Variants in MYB observed in about 807,000 individuals in gnomAD.
MYB encodes MYB proto-oncogene, transcription factor.
A neutral mutation model predicts 92.9 loss-of-function variants in MYB; 28 were observed. The observed-to-expected ratio is 0.30, with a 90% CI of 0.22 to 0.41. The LOEUF (loss-of-function observed/expected upper bound fraction) is 0.41, where lower values mean the gene tolerates loss of function less well. Among genes scored for constraint, MYB ranks in the 10% least tolerant of loss-of-function variants. The pLI is 1.00. For missense variants in MYB, 679 were observed against 929.3 expected, an observed-to-expected ratio of 0.73 and a Z score of 3.50; for synonymous variants, 295 against 329.1, an observed-to-expected ratio of 0.90 and a Z score of 1.12.
intron 8 of MYB, chr6:135,195,357 C>CGTATCATTAAAAAA: frequency 9.6e-5 from 17 of 177,520 alleles, no homozygotes; most frequent in South Asian, 3.2e-4. Context: ...CCTGAGTCCT[C>CGTATCATTAAAAAA]TAGCTTTTTT....
chr6:135,193,581 A>G (rs943209384), intron 6 of MYB, among the ~76,000 whole-genome samples: 1 of 152,096 alleles, frequency 6.6e-6, no homozygotes, highest in African/African-American at 2.4e-5. Context: ...TTTTTCTCTA[A>G]TTAAGGAACA....
rs1778145677 is a variant in MYB at position 135,201,872 on chromosome 6, G to A, written c.2061+123G>A. 4 of 440,964 alleles carry A rather than the reference G, an allele frequency of 9.1e-6. No individual in the cohort carries two copies. The South Asian group carries it at 3.5e-4, about 38-fold the overall frequency. The allele number at this position is 440,964 out of a possible 1,614,324, so 27.3% of individuals were successfully genotyped here. A position where few individuals can be genotyped will look rare whatever the true frequency, so the allele number is the denominator to read the frequency against. On this transcript the variant is annotated intron_variant, in intron 14 of 15. Transcript: ENST00000341911. ...TCTTTAACACATCTTATTTCTAAAT[G>A]TTCTCCTGCACATGATTTTTAAAAA...
At chr6:135,191,539 G>A (rs1177353818) in intron 5 of MYB, among the ~76,000 whole-genome samples, 1 of 152,150 alleles carries the variant, frequency 6.6e-6, no homozygotes, top group Non-Finnish European at 1.5e-5. Flanking sequence ...CATATGGCCT[G>A]AGAGGATACA....
chr6:135,181,499 C>A lies in MYB; in HGVS notation c.-15C>A. The A allele has an allele frequency of 1.8e-6, 2 of 1,132,284 alleles. No individual in the cohort carries two copies. Among genetic ancestry groups the A allele is most frequent in the South Asian group, 4.3e-5 (1 of 23,332 alleles). 70.1% of individuals were successfully genotyped at this position (1,132,284 alleles called of 1,614,324 possible). A position where few individuals can be genotyped will look rare whatever the true frequency, so the allele number is the denominator to read the frequency against. On this transcript the variant is annotated 5_prime_UTR_variant, in exon 1 of 16. Coordinates refer to ENST00000341911, the MANE Select transcript of MYB (RefSeq NM_001130173.2). The surrounding 1 kb of genome is among the most constrained non-coding windows in gnomAD (Gnocchi z 5.3). The stretch of plus-strand genomic sequence containing the variant: ...GTCCCCGCGGCTCTCGGCGGAGCCC[C>A]GCGCCCGCCGCGCCATGGCCCGAAG...
At chr6:135,191,018 C>G (rs1562369278) in intron 5 of MYB, among the ~76,000 whole-genome samples, 1 of 152,182 alleles carries the variant, frequency 6.6e-6, no homozygotes. Context: ...AGGCTGGTAT[C>G]AAACTCCTGG....
Position 135,203,975 on chromosome 6 carries a change from G to T in MYB, c.2169+651G>T, listed in dbSNP as rs1476165527. The T allele has an allele frequency of 5.0e-6, 5 of 1,004,648 alleles. No individual in the cohort carries two copies. In the East Asian group the frequency reaches 3.9e-4, roughly 77 times the overall value. The allele number at this position is 1,004,648 out of a possible 1,614,324, so 62.2% of individuals were successfully genotyped here. ...AAATGTAAATAAGAATGCAAATTTT[G>T]CTTCCCTAAATTATTTAAAGCAGTT... On this transcript the variant is annotated intron_variant, in intron 15 of 15. Transcript: ENST00000341911.
At chr6:135,202,185 C>A (rs1192254826) in intron 14 of MYB, among the ~76,000 whole-genome samples, 7 of 152,010 alleles carry the variant, frequency 4.6e-5, no homozygotes, top group African/African-American at 1.4e-4. Context: ...TGGGTTACTA[C>A]CACCATTTTT....
chr6:135,181,452 C>A lies in MYB; in HGVS notation c.-62C>A. ...AGGGACGCAGGCAGGCGGCGGGCAGCGGGAGGCGGCAGCCCGGTGCGGTCC... is the reference window on the plus strand; with the variant it reads ...AGGGACGCAGGCAGGCGGCGGGCAGAGGGAGGCGGCAGCCCGGTGCGGTCC... On this transcript the variant is annotated 5_prime_UTR_variant, in exon 1 of 16. Coordinates refer to ENST00000341911, the MANE Select transcript of MYB (RefSeq NM_001130173.2). This position sits in a 1 kb window ranked among gnomAD's most constrained non-coding sequence, Gnocchi z 5.3. The A allele has an allele frequency of 9.2e-7, 1 of 1,087,794 alleles. No individual in the cohort carries two copies. The highest frequency in any genetic ancestry group is 1.1e-6 in the Non-Finnish European group (1 of 889,490). 67.4% of individuals were successfully genotyped at this position (1,087,794 alleles called of 1,614,324 possible). A position where few individuals can be genotyped will look rare whatever the true frequency, so the allele number is the denominator to read the frequency against.
chr6:135,199,455 T>C lies in MYB; in HGVS notation c.1709+405T>C, dbSNP rs898421720. 73 of 459,504 alleles carry C rather than the reference T, an allele frequency of 1.6e-4. 1 individual carries two copies. Among genetic ancestry groups the C allele is most frequent in the South Asian group, 1.5e-3 (38 of 25,794 alleles). The allele number at this position is 459,504 out of a possible 1,614,324, so 28.5% of individuals were successfully genotyped here. On this transcript the variant is annotated intron_variant, in intron 11 of 15. Coordinates refer to ENST00000341911, the MANE Select transcript of MYB (RefSeq NM_001130173.2). ...TAGTTTGTATTTTTATTTAATTTTA[T>C]TTGTTTATTATTTATTTATTTTTAG...
In MYB at chr6:135,195,836, C is replaced by T. The variant is rs267600823; in HGVS notation, c.1037C>T (p.Ser346Phe). The T allele has an allele frequency of 6.2e-6, 10 of 1,614,058 alleles. No homozygotes were observed. ...TRPHGDSAPV[S>F]CLGEHHSTPS... ...CCTCATGGAGACAGTGCACCTGTTT[C>T]CTGTTTGGGAGAACACCACTCCACT... is the stretch of plus-strand genomic sequence containing the variant. Residue 346 changes from serine to phenylalanine, a missense_variant, in exon 9 of 16, where the codon TCC becomes TTC. Around this residue, in one of 8 missense-constraint regions of MYB, gnomAD observed 56 missense variants for 55.8 expected, o/e 1.00. Transcript: ENST00000341911.
intron 15 of MYB, among the ~76,000 whole-genome samples, chr6:135,211,364 T>C (rs532654208): frequency 6.6e-6 from 1 of 151,898 alleles, no homozygotes; most frequent in Non-Finnish European, 1.5e-5. Context: ...AGCTTTTGGG[T>C]TGAACTGAGA....
intron 15 of MYB, among the ~76,000 whole-genome samples, chr6:135,205,067 A>G (rs1194653448): frequency 2.6e-5 from 4 of 151,960 alleles, no homozygotes; most frequent in Non-Finnish European, 4.4e-5. Flanking sequence ...ACTCCATCTC[A>G]AAAAAAAGAA....
At chr6:135,206,231 T>A (rs749866984) in intron 15 of MYB, among the ~76,000 whole-genome samples, 3,073 of 115,266 alleles carry the variant, frequency 0.027, 62 homozygotes, top group South Asian at 0.065. Flanking sequence ...AAAAAAATAA[T>A]AATAATAATA....
intron 10 of MYB, 141 bp from the exon 11 acceptor site, chr6:135,198,767 T>A (rs541453653): frequency 1.4e-5 from 9 of 651,116 alleles, no homozygotes; most frequent in Middle Eastern, 3.8e-4. Context: ...CCCTAGTCAA[T>A]ATAACATGCT....
At chr6:135,201,811 T>A in intron 14 of MYB, 62 bp downstream of exon 14, 1 of 1,007,080 alleles carries the variant, frequency 9.9e-7, no homozygotes, top group Admixed American at 2.9e-5. Flanking sequence ...TGAAATCCTG[T>A]GTGTGGCATA....
intron 2 of MYB, among the ~76,000 whole-genome samples, chr6:135,186,403 G>A (rs1775919719): frequency 6.6e-6 from 1 of 152,202 alleles, no homozygotes; most frequent in Non-Finnish European, 1.5e-5. Flanking sequence ...ATGGGTGCAT[G>A]TTCTACTTTA....
At chr6:135,187,488 T>G (rs1476377356) in intron 2 of MYB, among the ~76,000 whole-genome samples, 1 of 152,222 alleles carries the variant, frequency 6.6e-6, no homozygotes, top group East Asian at 1.9e-4. Flanking sequence ...AATTGCCTCA[T>G]GTAATCCCCA....
chr6:135,212,879 A>G (rs1455797151), intron 15 of MYB, among the ~76,000 whole-genome samples: 1 of 152,230 alleles, frequency 6.6e-6, no homozygotes, highest in African/African-American at 2.4e-5. Context: ...TCCTTTGTCA[A>G]AATAATTCTT....
intron 15 of MYB, among the ~76,000 whole-genome samples, chr6:135,215,178 G>A (rs1184087301): frequency 6.6e-6 from 1 of 152,182 alleles, no homozygotes; most frequent in Non-Finnish European, 1.5e-5. Context: ...CCCTATGTCA[G>A]GAAACTTTGT....
Sources: gnomAD v4.1 joint callset for allele counts (sites outside exome capture counted in the v4.1 genomes callset) on GRCh38, gnomAD v4.1.1 for gene constraint, gnomAD v4.1.1 regional missense constraint, Gnocchi (gnomAD v3.1) non-coding constraint, MANE v1.5 for transcripts, NCBI Gene and HGNC (gene_info 2026-07-23, HGNC 2026-07-21) for gene names.